The following MAP2K1 variants were observed in gnomAD, a reference collection of about 807,000 sequenced individuals.
MAP2K1 encodes mitogen-activated protein kinase kinase 1, also known as dual specificity mitogen-activated protein kinase kinase 1.
In MAP2K1, 16 loss-of-function variants were observed where a neutral mutation model predicts 46.3. That is an observed-to-expected ratio of 0.35 (90% CI 0.23 to 0.52). The LOEUF (loss-of-function observed/expected upper bound fraction) is 0.52. Ranked by LOEUF, MAP2K1 falls within the 20% of genes least tolerant of loss-of-function variation. The pLI is 0.94. For synonymous variants in MAP2K1, 183 were observed against 185.6 expected (o/e 0.99, Z 0.11); for missense variants, 263 against 497.1 (o/e 0.53, Z 4.48).
chr15:66,420,721 A>ATATATATATATG (rs1461381065), intron 1 of MAP2K1, among the ~76,000 whole-genome samples: 1 of 29,702 alleles, frequency 3.4e-5, no homozygotes, highest in African/African-American at 1.2e-4. Flanking sequence ...ATATATATAT[A>ATATATATATATG]TGTGTGTGTG....
chr15:66,488,836 AT>A, intron 8 of MAP2K1: 2 of 290,142 alleles, frequency 6.9e-6, no homozygotes, highest in East Asian at 1.6e-4. Context: ...GCACTCCAAG[AT>A]TTACCATTGT....
At chr15:66,477,513 G>A (rs574508025) in intron 5 of MAP2K1, among the ~76,000 whole-genome samples, 2 of 152,308 alleles carry the variant, frequency 1.3e-5, no homozygotes, top group Non-Finnish European at 2.9e-5. Flanking sequence ...TCTGTAACTT[G>A]TGATGGTATG....
chr15:66,464,183 C>T (rs892351064), intron 5 of MAP2K1, among the ~76,000 whole-genome samples: 9 of 152,144 alleles, frequency 5.9e-5, no homozygotes, highest in East Asian at 3.9e-4. Flanking sequence ...GGATCTCTCG[C>T]GGCTAGGACA....
intron 1 of MAP2K1, among the ~76,000 whole-genome samples, chr15:66,426,142 CT>C (rs57873985): frequency 0.84 from 122,006 of 145,490 alleles, 51,181 homozygotes; most frequent in East Asian, 0.93. Flanking sequence ...AGTGTTTTTT[CT>C]TTTTTTTTTT....
chr15:66,437,873 T>C (rs578041537), intron 3 of MAP2K1, among the ~76,000 whole-genome samples: 1 of 152,222 alleles, frequency 6.6e-6, no homozygotes, highest in East Asian at 1.9e-4. Flanking sequence ...CCTTCTTTCC[T>C]CAATGAGAGC....
intron 5 of MAP2K1, among the ~76,000 whole-genome samples, chr15:66,476,764 G>A (rs1226532395): frequency 5.3e-5 from 8 of 152,170 alleles, no homozygotes; most frequent in South Asian, 2.1e-4. Context: ...CTGTGTAGGC[G>A]GGGGGAGGGA....
chr15:66,416,787 GTATAT>G (rs1180348445), intron 1 of MAP2K1, among the ~76,000 whole-genome samples: 1 of 152,114 alleles, frequency 6.6e-6, no homozygotes, highest in Non-Finnish European at 1.5e-5. Context: ...GGTGGGGAGG[GTATAT>G]TATATTACAG....
rs73471757 is a variant in MAP2K1, at chr15:66,489,499, G to C, written c.1023-219G>C. The stretch of plus-strand genomic sequence containing the variant: ...GTAGTAGCTGCTCCTTTTGGTACTT[G>C]CTCTCCAGGGATTGGCACGTTGCTT... On this transcript the variant is annotated intron_variant, in intron 9 of 10. Transcript: ENST00000307102. 2.7e-3 allele frequency: 1,794 copies of C among 664,672 alleles called. 33 individuals carry two copies. The African/African-American group carries it at 0.029, about 11-fold the overall frequency. 41.2% of individuals were successfully genotyped at this position (664,672 alleles called of 1,614,324 possible).
At chr15:66,393,177 T>G (rs866878147) in intron 1 of MAP2K1, among the ~76,000 whole-genome samples, 1 of 150,114 alleles carries the variant, frequency 6.7e-6, no homozygotes, top group East Asian at 1.9e-4. Context: ...TCTCTTTCTC[T>G]CTCTCTTTTT....
chr15:66,453,543 A>T, intron 5 of MAP2K1: 1 of 702,376 alleles, frequency 1.4e-6, no homozygotes, highest in Middle Eastern at 2.3e-4. Flanking sequence ...CAAGCAGCAC[A>T]GTGAGTAGGT....
At chr15:66,452,873 A>C (rs1326042705) in intron 5 of MAP2K1, among the ~76,000 whole-genome samples, 2 of 152,210 alleles carry the variant, frequency 1.3e-5, no homozygotes, top group African/African-American at 2.4e-5. Context: ...TATAGTTCTT[A>C]TGTTTGTCTC....
At chr15:66,477,561 A>G (rs1892782268) in intron 5 of MAP2K1, among the ~76,000 whole-genome samples, 1 of 152,252 alleles carries the variant, frequency 6.6e-6, no homozygotes, top group Non-Finnish European at 1.5e-5. Flanking sequence ...ATGGCAAACC[A>G]TGGCCCAGAA....
At position 66,421,085 on chromosome 15, in the gene MAP2K1, CACACACAT is replaced by C. The variant is rs1223908157; in HGVS notation, c.81-13934_81-13927del. 4.1e-4 allele frequency among the ~76,000 whole-genome samples: 24 copies of C among 59,128 alleles called. No individual in the cohort carries two copies. The Admixed American group carries it at 4.8e-3, about 12-fold the overall frequency. 38.8% of individuals were successfully genotyped at this position (59,128 alleles called of 152,430 possible). A position where few individuals can be genotyped will look rare whatever the true frequency, so the allele number is the denominator to read the frequency against. On this transcript the variant is annotated intron_variant, in intron 1 of 10. Coordinates refer to ENST00000307102, the MANE Select transcript of MAP2K1 (RefSeq NM_002755.4). Reference sequence around the variant, plus strand: ...ATACACACACACATATATACACATACACACACATACACACACACACACACACACACACA... The same window carrying C: ...ATACACACACACATATATACACATACACACACACACACACACACACACACA...
chr15:66,405,828 G>A (rs1451185107), intron 1 of MAP2K1, among the ~76,000 whole-genome samples: 1 of 152,208 alleles, frequency 6.6e-6, no homozygotes, highest in African/African-American at 2.4e-5. Flanking sequence ...CTTAATGTAT[G>A]AAATAGCACT....
At chr15:66,418,945 CTTT>C (rs753511565) in intron 1 of MAP2K1, among the ~76,000 whole-genome samples, 3 of 88,886 alleles carry the variant, frequency 3.4e-5, no homozygotes, top group Non-Finnish European at 6.2e-5. Context: ...TGTGCCCGGC[CTTT>C]TTTTTTTTTT....
chr15:66,463,582 A>G (rs1008533676), intron 5 of MAP2K1, among the ~76,000 whole-genome samples: 51 of 152,192 alleles, frequency 3.4e-4, no homozygotes, highest in Non-Finnish European at 6.5e-4. Context: ...TCCTGGGTTC[A>G]AGCGATTCTC....
chr15:66,452,765 C>G (rs1180593555), intron 5 of MAP2K1, among the ~76,000 whole-genome samples: 1 of 152,166 alleles, frequency 6.6e-6, no homozygotes, highest in Non-Finnish European at 1.5e-5. Context: ...ATAGAAAGCT[C>G]TAATATGCTA....
chr15:66,461,521 T>A (rs991471524), intron 5 of MAP2K1, among the ~76,000 whole-genome samples: 3 of 147,228 alleles, frequency 2.0e-5, no homozygotes, highest in Admixed American at 1.4e-4. Context: ...AATAATAAAA[T>A]AATAATAGAG....
At chr15:66,463,289 C>T (rs958324691) in intron 5 of MAP2K1, among the ~76,000 whole-genome samples, 5 of 152,218 alleles carry the variant, frequency 3.3e-5, no homozygotes, top group Non-Finnish European at 2.9e-5. Context: ...GTAAGTGCTT[C>T]AGAGTCAAAC....
Sources: gnomAD v4.1 joint callset for allele counts (sites outside exome capture counted in the v4.1 genomes callset) on GRCh38, gnomAD v4.1.1 for gene constraint, MANE v1.5 for transcripts, NCBI Gene and HGNC (gene_info 2026-07-23, HGNC 2026-07-21) for gene names.